BCAS4: variants seen among roughly 807,000 people sequenced by gnomAD.
BCAS4 encodes the protein breast carcinoma amplified sequence 4.
BCAS4 carries 9 observed loss-of-function variants against 15.7 expected under a neutral mutation model. The observed-to-expected ratio is 0.57, with a 90% CI of 0.34 to 1.00. The LOEUF (loss-of-function observed/expected upper bound fraction) is 1.00. Among genes scored for constraint, BCAS4 ranks in the 50% least tolerant of loss-of-function variants. The pLI, the probability that BCAS4 is intolerant of heterozygous loss-of-function variation, is 0.02. For missense variants in BCAS4, 225 were observed against 239.1 expected (o/e 0.94, Z 0.39); for synonymous variants, 101 against 99.5 (o/e 1.02, Z -0.09).
intron 2 of BCAS4, among the ~76,000 whole-genome samples, chr20:50,819,135 A>T (rs1298494925): frequency 1.3e-5 from 2 of 151,890 alleles, no homozygotes; most frequent in African/African-American, 4.8e-5. Context: ...GTGAGCTGAG[A>T]TTGCGCCACT....
intron 2 of BCAS4, among the ~76,000 whole-genome samples, chr20:50,821,078 A>G (rs535931705): frequency 1.3e-5 from 2 of 152,296 alleles, no homozygotes; most frequent in African/African-American, 4.8e-5. Context: ...GTGGGCAGCA[A>G]GCGTGCTTTC....
intron 3 of BCAS4, among the ~76,000 whole-genome samples, chr20:50,838,732 T>C (rs1029042655): frequency 6.6e-6 from 1 of 151,990 alleles, no homozygotes; most frequent in East Asian, 1.9e-4. Flanking sequence ...TAATCCCAGC[T>C]ACTCAGGAGG....
intron 2 of BCAS4, among the ~76,000 whole-genome samples, chr20:50,823,355 A>C (rs2088240320): frequency 6.6e-6 from 1 of 152,154 alleles, no homozygotes; most frequent in African/African-American, 2.4e-5. Flanking sequence ...CCCAAAAAAA[A>C]AAGAAGGCTT....
chr20:50,816,791 A>ATTTTTTTTTTTTTTTTTTTTTT (rs35600563), intron 1 of BCAS4, among the ~76,000 whole-genome samples: 1 of 80,896 alleles, frequency 1.2e-5, no homozygotes, highest in African/African-American at 6.2e-5. Flanking sequence ...TGCCTGGCTA[A>ATTTTTTTTTTTTTTTTTTTTTT]TTTTTTTTTT....
intron 1 of BCAS4, among the ~76,000 whole-genome samples, chr20:50,805,062 G>A (rs553210048): frequency 3.9e-5 from 6 of 152,262 alleles, no homozygotes; most frequent in Non-Finnish European, 7.4e-5. Flanking sequence ...GTATTTGTGT[G>A]TGTGTGTGTG....
At position 50,874,104 on chromosome 20, in the gene BCAS4, T is replaced by C. The variant is rs544809482; in HGVS notation, c.400-2382T>C. ...CCACTGTCGCCCCTAGAGTGTATTC[T>C]CTCTCCTGCTCTTCCTGAAGTGCAG... On this transcript the variant is annotated intron_variant, in intron 4 of 4. Transcript: ENST00000371608. 2.6e-4 allele frequency among the ~76,000 whole-genome samples: 39 copies of C among 152,190 alleles called. No homozygotes were observed. The South Asian group carries it at 5.2e-3, about 20-fold the overall frequency.
intron 2 of BCAS4, among the ~76,000 whole-genome samples, chr20:50,821,251 G>C (rs2088212834): frequency 6.6e-6 from 1 of 152,272 alleles, no homozygotes; most frequent in Non-Finnish European, 1.5e-5. Context: ...AGAAATGGAA[G>C]AGAACATGCA....
At chr20:50,875,516 G>T (rs1378090311) in intron 4 of BCAS4, among the ~76,000 whole-genome samples, 1 of 150,250 alleles carries the variant, frequency 6.7e-6, no homozygotes, top group Non-Finnish European at 1.5e-5. Context: ...TGTCATCCTA[G>T]CACTTTGGGA....
intron 1 of BCAS4, among the ~76,000 whole-genome samples, chr20:50,801,697 C>T (rs571069484): frequency 4.5e-4 from 68 of 152,062 alleles, no homozygotes; most frequent in Non-Finnish European, 8.8e-4. Context: ...AGGCACTGGG[C>T]GAGACCAGCA....
At chr20:50,804,557 C>T (rs1022632885) in intron 1 of BCAS4, among the ~76,000 whole-genome samples, 3 of 152,166 alleles carry the variant, frequency 2.0e-5, no homozygotes, top group Middle Eastern at 3.2e-3. Context: ...TGCATTTATG[C>T]AAATATGTAG....
intron 2 of BCAS4, among the ~76,000 whole-genome samples, chr20:50,819,200 AAAAG>A (rs2088182179): frequency 6.6e-6 from 1 of 152,020 alleles, no homozygotes; most frequent in Non-Finnish European, 1.5e-5. Context: ...AAAGAAAAGA[AAAAG>A]AAATTGCTTC....
intron 3 of BCAS4, among the ~76,000 whole-genome samples, chr20:50,834,755 T>C (rs1171338129): frequency 1.3e-5 from 2 of 152,246 alleles, no homozygotes; most frequent in African/African-American, 4.8e-5. Flanking sequence ...ATCTACTTTC[T>C]GTCTCTGGAT....
chr20:50,845,417 A>C (rs2088531585), intron 4 of BCAS4, among the ~76,000 whole-genome samples: 1 of 151,720 alleles, frequency 6.6e-6, no homozygotes, highest in Non-Finnish European at 1.5e-5. Flanking sequence ...CAGGGTGGAC[A>C]CCTCCTTTCC....
chr20:50,865,653 C>G (rs1467304405), intron 4 of BCAS4, among the ~76,000 whole-genome samples: 1 of 152,218 alleles, frequency 6.6e-6, no homozygotes, highest in Non-Finnish European at 1.5e-5. Flanking sequence ...GCCCCAAGCC[C>G]TGTGCTTCTG....
chr20:50,880,332 C>G (rs745346436), downstream of BCAS4: 6 of 152,278 alleles, frequency 3.9e-5, no homozygotes, highest in Non-Finnish European at 8.8e-5. Flanking sequence ...AGCGGCTCCA[C>G]TGTCCCTGTG....
intron 1 of BCAS4, among the ~76,000 whole-genome samples, chr20:50,800,131 A>G (rs190004362): frequency 1.3e-5 from 2 of 152,312 alleles, no homozygotes; most frequent in East Asian, 3.9e-4. Context: ...GATGTGAGAT[A>G]GGGCACCTGT....
intron 1 of BCAS4, among the ~76,000 whole-genome samples, chr20:50,813,062 G>T (rs1280574792): frequency 6.6e-6 from 1 of 152,016 alleles, no homozygotes; most frequent in East Asian, 1.9e-4. Flanking sequence ...TAAGTGATCT[G>T]CCTGCCTCAG....
chr20:50,853,946 C>G (rs1978615091), intron 4 of BCAS4, among the ~76,000 whole-genome samples: 2 of 152,016 alleles, frequency 1.3e-5, no homozygotes, highest in South Asian at 4.2e-4. Context: ...CGCAGTGTAA[C>G]AACCAAAAAG....
In BCAS4 at chr20:50,841,897, G is replaced by C. The variant is rs1339037624; in HGVS notation, c.396G>C (p.Arg132Ser). ...WLGSAGLPSFRNKSPAPVPVT... is the reference protein window; with the variant it reads ...WLGSAGLPSFSNKSPAPVPVT... ...GATCCGCAGGGCTCCCCTCCTTCAG[G>C]AACGTGAGTATCCTGCCCCGAGAAG... The change falls in exon 4 of 5, where the codon AGG (arginine) becomes AGC (serine). Residue 132 changes from arginine to serine, a missense_variant. Physicochemically the swap from Arg to Ser is moderately radical, Grantham distance 110. Coordinates refer to ENST00000371608, the MANE Select transcript of BCAS4 (RefSeq NM_198799.4). 1 of 1,579,854 alleles carries C rather than the reference G, an allele frequency of 6.3e-7. No homozygotes were observed.
Sources: allele counts gnomAD v4.1 joint callset (sites outside exome capture counted in the v4.1 genomes callset), GRCh38; gene constraint gnomAD v4.1.1; transcripts MANE v1.5; gene names NCBI Gene and HGNC (gene_info 2026-07-23, HGNC 2026-07-21).